ARHGEF10: variants seen among roughly 807,000 people sequenced by gnomAD.
ARHGEF10 encodes Rho guanine nucleotide exchange factor 10, also known as Rho guanine nucleotide exchange factor (GEF) 10.
ARHGEF10 carries 140 observed loss-of-function variants against 147.4 expected under a neutral mutation model. The observed-to-expected ratio is 0.95, with a 90% CI of 0.83 to 1.09. The LOEUF (loss-of-function observed/expected upper bound fraction) is 1.09. ARHGEF10 is among the 50% of genes least tolerant of loss of function. The pLI, the probability that ARHGEF10 is intolerant of heterozygous loss-of-function variation, is 0.00. For missense variants in ARHGEF10, 2,222 were observed against 1,752.7 expected, an observed-to-expected ratio of 1.27 and a Z score of -4.78; for synonymous variants, 902 against 695.8, an observed-to-expected ratio of 1.30 and a Z score of -4.67.
At chr8:1,952,366 A>G (rs530796162) in intron 27 of ARHGEF10, among the ~76,000 whole-genome samples, 35 of 152,364 alleles carry the variant, frequency 2.3e-4, no homozygotes, top group Admixed American at 1.8e-3. Flanking sequence ...CACGTGCTAC[A>G]CGGCCCAGAA....
rs532024421 is a variant in ARHGEF10 at position 1,922,607 on chromosome 8, A to T, written c.2144-357A>T. ...AATCCGGGACTAGGAAATGACATTC[A>T]TGTGAAAGCGGTGAGGTTTGAAGAC... On this transcript the variant is annotated intron_variant, in intron 18 of 28. Transcript: ENST00000349830. Among the ~76,000 whole-genome samples, 4 of 152,260 alleles carry T rather than the reference A, an allele frequency of 2.6e-5. No individual in the cohort carries two copies. The East Asian group carries it at 7.7e-4, about 29-fold the overall frequency.
chr8:1,847,707 C>A (rs1254142689), intron 2 of ARHGEF10, among the ~76,000 whole-genome samples: 1 of 152,196 alleles, frequency 6.6e-6, no homozygotes, highest in Non-Finnish European at 1.5e-5. Flanking sequence ...TGAATAGCCT[C>A]TTGTGGCTGA....
At chr8:1,883,623 A>G (rs1208680407) in intron 10 of ARHGEF10, among the ~76,000 whole-genome samples, 1 of 152,168 alleles carries the variant, frequency 6.6e-6, no homozygotes, top group Non-Finnish European at 1.5e-5. Context: ...ATCTCAGACA[A>G]GGTGGGGGTA....
At chr8:1,945,345 G>C in intron 26 of ARHGEF10, 136 bp from the exon 27 acceptor site, 3 of 1,064,652 alleles carry the variant, frequency 2.8e-6, no homozygotes, top group Non-Finnish European at 4.2e-6. Flanking sequence ...TGCTGGAGAC[G>C]CCTGTGATTT....
intron 6 of ARHGEF10, among the ~76,000 whole-genome samples, chr8:1,866,944 T>C (rs2129088731): frequency 6.6e-6 from 1 of 151,654 alleles, no homozygotes; most frequent in South Asian, 2.1e-4. Flanking sequence ...ACGCCCACCC[T>C]GCGCTTGCCT....
chr8:1,916,520 T>C (rs1434771582), intron 18 of ARHGEF10, among the ~76,000 whole-genome samples: 3 of 152,218 alleles, frequency 2.0e-5, no homozygotes, highest in African/African-American at 7.2e-5. Context: ...ATTGTTCTTC[T>C]CTGTTCAGTG....
chr8:1,846,965 G>C (rs546775166), intron 2 of ARHGEF10, among the ~76,000 whole-genome samples: 1 of 152,338 alleles, frequency 6.6e-6, no homozygotes, highest in South Asian at 2.1e-4. Context: ...TTTTTCGTAA[G>C]TGTCCTCCTC....
intron 25 of ARHGEF10, among the ~76,000 whole-genome samples, chr8:1,931,294 T>C (rs903437780): frequency 1.3e-5 from 2 of 152,268 alleles, no homozygotes; most frequent in African/African-American, 4.8e-5. Flanking sequence ...TCTGTTTTTC[T>C]AATTTCTATT....
At chr8:1,869,383 C>A (rs1585327570) in intron 7 of ARHGEF10, 133 bp downstream of exon 7, 1 of 784,734 alleles carries the variant, frequency 1.3e-6, no homozygotes, top group Non-Finnish European at 2.2e-6. Context: ...TCTAGAATGG[C>A]TTATTGATGT....
At chr8:1,883,471 C>G (rs998834326) in intron 10 of ARHGEF10, among the ~76,000 whole-genome samples, 1 of 152,128 alleles carries the variant, frequency 6.6e-6, no homozygotes, top group African/African-American at 2.4e-5. Flanking sequence ...ACGTGGGTAG[C>G]ATTTGCTAAT....
intron 2 of ARHGEF10, among the ~76,000 whole-genome samples, chr8:1,851,163 G>C (rs559897512): frequency 6.9e-6 from 1 of 144,716 alleles, no homozygotes; most frequent in Non-Finnish European, 1.5e-5. Context: ...GAGGCCTCAC[G>C]CACACCGTGG....
intron 11 of ARHGEF10, among the ~76,000 whole-genome samples, chr8:1,889,429 G>A (rs1324151014): frequency 1.4e-5 from 1 of 72,420 alleles, no homozygotes; most frequent in Non-Finnish European, 2.6e-5. Flanking sequence ...GTGGGGTGAG[G>A]GGTCTGTGAG....
At position 1,843,368 on chromosome 8, in the gene ARHGEF10, A is replaced by C; in HGVS notation, c.-32A>C. 6.2e-7 allele frequency: 1 copy of C among 1,612,616 alleles called. No individual in the cohort carries two copies. Among genetic ancestry groups the C allele is most frequent in the Non-Finnish European group, 8.5e-7 (1 of 1,179,910 alleles). On this transcript the variant is annotated 5_prime_UTR_variant, in exon 2 of 29. Transcript: ENST00000349830. ...CTTCTTGCAGGAGCTCCTTCCCTTA[A>C]CAGAGCTGAGAGAGGCATCTGGAGC... is the stretch of plus-strand genomic sequence containing the variant.
intron 27 of ARHGEF10, among the ~76,000 whole-genome samples, chr8:1,952,309 C>T (rs1815121696): frequency 6.6e-6 from 1 of 152,250 alleles, no homozygotes; most frequent in South Asian, 2.1e-4. Flanking sequence ...GGTCTCTCTG[C>T]TCCCAAAGAA....
chr8:1,901,316 C>T (rs980085998), intron 15 of ARHGEF10, among the ~76,000 whole-genome samples: 1 of 152,138 alleles, frequency 6.6e-6, no homozygotes, highest in Non-Finnish European at 1.5e-5. Flanking sequence ...CCCAGTGACT[C>T]TCCTGGTCTC....
Position 1,956,936 on chromosome 8 carries a change from C to T in ARHGEF10, c.3708C>T (p.Asp1236=). The T allele has an allele frequency of 6.2e-7, 1 of 1,614,194 alleles. No individual in the cohort carries two copies. The highest frequency in any genetic ancestry group is 8.5e-7 in the Non-Finnish European group (1 of 1,180,036). ...GGAGSSLSQG[D]PDAAIWLGDS... is the part of the protein sequence containing the mutation. ...CTGGTTCATCTCTGAGCCAGGGTGA[C>T]CCTGACGCAGCCATCTGGTTGGGAG... is the stretch of plus-strand genomic sequence containing the variant. The change falls in exon 29 of 29, where the codon GAC becomes GAT. Residue 1236 remains aspartate, a synonymous_variant. Coordinates refer to ENST00000349830, the MANE Select transcript of ARHGEF10 (RefSeq NM_014629.4).
At chr8:1,839,323 GGGGACTGTCTGGTGTA>G (rs1176839411) in intron 1 of ARHGEF10, among the ~76,000 whole-genome samples, 3,778 of 147,536 alleles carry the variant, frequency 0.026, 141 homozygotes, top group Non-Finnish European at 0.042. Context: ...TGTCTGGTGT[GGGGACTGTCTGGTGTA>G]GGGACTGTCT....
chr8:1,922,343 T>C (rs1812359000), intron 18 of ARHGEF10, among the ~76,000 whole-genome samples: 1 of 151,696 alleles, frequency 6.6e-6, no homozygotes, highest in African/African-American at 2.4e-5. Context: ...TTATTGGAAA[T>C]GTGGTTCAGA....
At chr8:1,854,049 G>C (rs1449328514) in intron 2 of ARHGEF10, among the ~76,000 whole-genome samples, 1 of 152,236 alleles carries the variant, frequency 6.6e-6, no homozygotes, top group Admixed American at 6.5e-5. Flanking sequence ...GCTGGTGTCA[G>C]AACTAAACTT....
Sources: allele counts gnomAD v4.1 joint callset (sites outside exome capture counted in the v4.1 genomes callset), GRCh38; gene constraint gnomAD v4.1.1; transcripts MANE v1.5; gene names NCBI Gene and HGNC (gene_info 2026-07-23, HGNC 2026-07-21).